Variants in ESR1 observed in about 807,000 individuals in gnomAD.
ESR1 encodes estrogen receptor 1, also known as estrogen receptor.
ESR1 carries 12 observed loss-of-function variants against 52.7 expected under a neutral mutation model. That is an observed-to-expected ratio of 0.23 (90% CI 0.15 to 0.37). ESR1 has a LOEUF of 0.37. Ranked by LOEUF, ESR1 falls within the 10% of genes least tolerant of loss-of-function variation. The pLI is 1.00. For missense variants in ESR1, 584 were observed against 779.7 expected (o/e 0.75, Z 2.99); for synonymous variants, 305 against 316.8 (o/e 0.96, Z 0.39).
chr6:152,086,428 ATAAT>A (rs752954657), intron 6 of ESR1, among the ~76,000 whole-genome samples: 59 of 148,316 alleles, frequency 4.0e-4, no homozygotes, highest in Non-Finnish European at 7.3e-4. Flanking sequence ...TTTATTATTA[ATAAT>A]TAATATTTAA....
At chr6:151,941,614 G>A (rs1168761308) in intron 3 of ESR1, among the ~76,000 whole-genome samples, 1 of 151,710 alleles carries the variant, frequency 6.6e-6, no homozygotes, top group Non-Finnish European at 1.5e-5. Flanking sequence ...AGCATCGGAG[G>A]GGCTACTGGA....
At position 152,013,805 on chromosome 6, in the gene ESR1, G is replaced by A. The variant is rs879424562; in HGVS notation, c.1235+2011G>A. Among the ~76,000 whole-genome samples, 8 of 152,100 alleles carry A rather than the reference G, an allele frequency of 5.3e-5. No homozygotes were observed. In the South Asian group the frequency reaches 8.3e-4, roughly 16 times the overall value. On this transcript the variant is annotated intron_variant, in intron 5 of 7. Coordinates refer to ENST00000206249, the MANE Select transcript of ESR1 (RefSeq NM_000125.4). The stretch of plus-strand genomic sequence containing the variant: ...TTCCTACTTTCTAAAACTTCAGATC[G>A]GAAATTTGAATTACCTCTAGACCAG...
intron 3 of ESR1, among the ~76,000 whole-genome samples, chr6:151,939,707 A>T (rs1364250226): frequency 6.6e-6 from 1 of 152,098 alleles, no homozygotes; most frequent in African/African-American, 2.4e-5. Flanking sequence ...GTAGAAGAGG[A>T]TCCATTCTTC....
At chr6:151,846,989 G>A (rs549194757) in intron 2 of ESR1, among the ~76,000 whole-genome samples, 57 of 152,282 alleles carry the variant, frequency 3.7e-4, no homozygotes, top group Middle Eastern at 3.4e-3. Flanking sequence ...AGGTTGTGTG[G>A]CGTAGAGGGG....
intron 4 of ESR1, among the ~76,000 whole-genome samples, chr6:151,957,194 C>G (rs1338349143): frequency 6.6e-6 from 1 of 152,028 alleles, no homozygotes; most frequent in Non-Finnish European, 1.5e-5. Flanking sequence ...CTGTATATTA[C>G]AGCCGTTGAA....
chr6:151,921,840 CT>C (rs1227241022), intron 3 of ESR1, among the ~76,000 whole-genome samples: 1 of 152,072 alleles, frequency 6.6e-6, no homozygotes, highest in African/African-American at 2.4e-5. Flanking sequence ...GATATTAAAC[CT>C]TTGTCAGATG....
chr6:151,931,825 G>A (rs1177276161), intron 3 of ESR1, among the ~76,000 whole-genome samples: 1 of 144,406 alleles, frequency 6.9e-6, no homozygotes, highest in Admixed American at 7.0e-5. Flanking sequence ...GTGTATATGT[G>A]CCACATTTTC....
chr6:151,678,002 G>C (rs567053956), intron 1 of ESR1, among the ~76,000 whole-genome samples: 1 of 150,848 alleles, frequency 6.6e-6, no homozygotes, highest in Non-Finnish European at 1.5e-5. Flanking sequence ...GGAAGCAAGT[G>C]TATACACATG....
intron 1 of ESR1, among the ~76,000 whole-genome samples, chr6:151,671,488 C>T (rs895163407): frequency 6.6e-6 from 1 of 151,986 alleles, no homozygotes; most frequent in Non-Finnish European, 1.5e-5. Flanking sequence ...AAGTTGAACT[C>T]GTAGACACAG....
rs543203146 is a variant in ESR1 at position 152,052,586 on chromosome 6, A to G, written c.1236-8405A>G. 3.3e-5 allele frequency among the ~76,000 whole-genome samples: 5 copies of G among 152,304 alleles called. No homozygotes were observed. The East Asian group carries it at 5.8e-4, about 18-fold the overall frequency. ...CTGTAATGGCCCCACAAAGCCTAAA[A>G]TAGTTACCCCGTGGTCTTTTACAGA... On this transcript the variant is annotated intron_variant, in intron 5 of 7. Transcript: ENST00000206249.
intron 1 of ESR1, among the ~76,000 whole-genome samples, chr6:151,696,174 T>C (rs796431639): frequency 4.2e-4 from 64 of 152,162 alleles, no homozygotes; most frequent in African/African-American, 1.5e-3. Context: ...CCCAGCTAGA[T>C]TAAAAGTGCC....
chr6:152,087,349 TTATTCCTCTTTA>T (rs1278662640), intron 6 of ESR1, among the ~76,000 whole-genome samples: 1 of 152,200 alleles, frequency 6.6e-6, no homozygotes, highest in Non-Finnish European at 1.5e-5. Flanking sequence ...TCCTCTGTCT[TTATTCCTCTTTA>T]TACAAACGTA....
At chr6:151,949,735 G>A (rs975383007) in intron 4 of ESR1, among the ~76,000 whole-genome samples, 4 of 152,232 alleles carry the variant, frequency 2.6e-5, no homozygotes, top group South Asian at 4.1e-4. Flanking sequence ...CTGGTGAAAC[G>A]CAAGGAAAGC....
chr6:151,842,151 A>C (rs182866249), intron 1 of ESR1, among the ~76,000 whole-genome samples: 42 of 152,300 alleles, frequency 2.8e-4, no homozygotes, highest in Non-Finnish European at 4.4e-4. Flanking sequence ...TTTTTTTGAC[A>C]CATGTTCTGT....
intron 5 of ESR1, among the ~76,000 whole-genome samples, chr6:152,029,320 G>T (rs1178240296): frequency 6.6e-6 from 1 of 152,182 alleles, no homozygotes; most frequent in Non-Finnish European, 1.5e-5. Context: ...AGAAAAGAAG[G>T]CTTCAGACGA....
At chr6:151,777,962 A>G (rs1227297619) in intron 2 of ESR1, among the ~76,000 whole-genome samples, 1 of 152,112 alleles carries the variant, frequency 6.6e-6, no homozygotes, top group Non-Finnish European at 1.5e-5. Flanking sequence ...CTCTGTCTCA[A>G]AAATAAATAA....
At chr6:151,752,391 C>T (rs1316435147) in intron 2 of ESR1, among the ~76,000 whole-genome samples, 1 of 151,442 alleles carries the variant, frequency 6.6e-6, no homozygotes, top group Non-Finnish European at 1.5e-5. Flanking sequence ...CACATTTAAA[C>T]TGCATTATTT....
intron 1 of ESR1, among the ~76,000 whole-genome samples, chr6:151,664,401 G>T (rs1777747113): frequency 1.3e-5 from 2 of 152,142 alleles, no homozygotes; most frequent in Non-Finnish European, 2.9e-5. Flanking sequence ...GTAGCTTATT[G>T]AAAAACTATC....
At chr6:151,925,230 G>A (rs2032500907) in intron 3 of ESR1, among the ~76,000 whole-genome samples, 1 of 152,054 alleles carries the variant, frequency 6.6e-6, no homozygotes, top group African/African-American at 2.4e-5. Context: ...CTAATGATTA[G>A]TGATATGTAG....
Sources: allele counts gnomAD v4.1 joint callset (sites outside exome capture counted in the v4.1 genomes callset), GRCh38; gene constraint gnomAD v4.1.1; transcripts MANE v1.5; gene names NCBI Gene and HGNC (gene_info 2026-07-23, HGNC 2026-07-21).